Variants in CSMD1 observed in about 807,000 individuals in gnomAD.
CSMD1 encodes the protein CUB and sushi domain-containing protein 1.
A neutral mutation model predicts 417.5 loss-of-function variants in CSMD1; 213 were observed. The ratio of observed to expected loss-of-function variants is 0.51; its 90% CI spans 0.46 to 0.57. The LOEUF (loss-of-function observed/expected upper bound fraction) is 0.57. Among genes scored for constraint, CSMD1 ranks in the 20% least tolerant of loss-of-function variants. CSMD1 has a pLI of 0.00. For synonymous variants in CSMD1, 2,862 were observed against 1,736.8 expected (o/e 1.65, Z -16.11); for missense variants, 6,923 against 4,529.7 (o/e 1.53, Z -15.17).
At chr8:4,249,751 C>T (rs953040859) in intron 3 of CSMD1, among the ~76,000 whole-genome samples, 1 of 151,998 alleles carries the variant, frequency 6.6e-6, no homozygotes. Context: ...AGAACAAAGT[C>T]TATTAATGGG....
At chr8:4,721,988 G>A (rs1034584833) in intron 1 of CSMD1, among the ~76,000 whole-genome samples, 1 of 152,146 alleles carries the variant, frequency 6.6e-6, no homozygotes, top group Non-Finnish European at 1.5e-5. Flanking sequence ...AGAAACAGGA[G>A]AAGAACGATG....
At chr8:4,811,822 G>T (rs542355708) in intron 1 of CSMD1, among the ~76,000 whole-genome samples, 1 of 152,042 alleles carries the variant, frequency 6.6e-6, no homozygotes, top group African/African-American at 2.4e-5. Context: ...CATAGGAAAA[G>T]ATGTGATTTT....
chr8:3,587,275 A>C (rs1584926649), intron 8 of CSMD1, among the ~76,000 whole-genome samples: 1 of 152,236 alleles, frequency 6.6e-6, no homozygotes, highest in East Asian at 1.9e-4. Context: ...TCAGGTTTGA[A>C]CACCACCCAG....
At chr8:4,475,760 G>C (rs1392495770) in intron 2 of CSMD1, among the ~76,000 whole-genome samples, 1 of 151,946 alleles carries the variant, frequency 6.6e-6, no homozygotes, top group African/African-American at 2.4e-5. Flanking sequence ...TTACAGGCGT[G>C]CACCACCACA....
chr8:3,155,461 A>G (rs942663520), intron 39 of CSMD1, among the ~76,000 whole-genome samples: 8 of 137,798 alleles, frequency 5.8e-5, no homozygotes, highest in African/African-American at 1.7e-4. Context: ...TCCGCCTCCC[A>G]GGTTCACGCC....
chr8:3,978,095 G>A (rs1585066757), intron 5 of CSMD1, among the ~76,000 whole-genome samples: 1 of 152,196 alleles, frequency 6.6e-6, no homozygotes, highest in Non-Finnish European at 1.5e-5. Context: ...GTGTCTGTGA[G>A]AAAGTCTCAT....
intron 10 of CSMD1, among the ~76,000 whole-genome samples, chr8:3,529,035 C>A (rs970118935): frequency 1.3e-5 from 2 of 152,172 alleles, no homozygotes; most frequent in Admixed American, 6.6e-5. Flanking sequence ...ACAGAGCTTT[C>A]GAACAAGGCT....
chr8:3,407,665 G>C (rs1812439785), intron 14 of CSMD1, among the ~76,000 whole-genome samples: 1 of 152,166 alleles, frequency 6.6e-6, no homozygotes, highest in African/African-American at 2.4e-5. Context: ...ATGAAAGAGA[G>C]AGGAGATCCA....
chr8:3,372,484 C>T (rs1810024162), intron 18 of CSMD1, among the ~76,000 whole-genome samples: 1 of 152,160 alleles, frequency 6.6e-6, no homozygotes, highest in African/African-American at 2.4e-5. Context: ...GTGGTCAGGA[C>T]CCCGAACCAG....
rs141150136 is a variant in CSMD1, at chr8:4,235,654, C to T, written c.415+184299G>A. On this transcript the variant is annotated intron_variant, in intron 3 of 69. Transcript: ENST00000635120. ...ACTGAGGACCTGAAATGCATCGACCCTTTTAAAATGGGTCAGCCTGTTGCC... is the reference window on the plus strand; with the variant it reads ...ACTGAGGACCTGAAATGCATCGACCTTTTTAAAATGGGTCAGCCTGTTGCC... Among the ~76,000 whole-genome samples, 293 of 152,238 alleles carry T rather than the reference C, an allele frequency of 1.9e-3. 2 individuals are homozygous for T. Among genetic ancestry groups the T allele is most frequent in the Admixed American group, 7.2e-3 (110 of 15,290 alleles).
intron 5 of CSMD1, among the ~76,000 whole-genome samples, chr8:3,976,366 A>C (rs781599599): frequency 1.1e-4 from 17 of 152,322 alleles, no homozygotes; most frequent in Non-Finnish European, 2.1e-4. Context: ...CATGACGTTG[A>C]TGAAGATTCC....
chr8:3,068,051 C>G (rs1813064207), intron 49 of CSMD1, among the ~76,000 whole-genome samples: 1 of 152,054 alleles, frequency 6.6e-6, no homozygotes, highest in South Asian at 2.1e-4. Context: ...TTTGCCTTTT[C>G]CCTTATATTT....
intron 1 of CSMD1, among the ~76,000 whole-genome samples, chr8:4,792,548 C>A (rs1226536540): frequency 6.6e-6 from 1 of 152,132 alleles, no homozygotes; most frequent in Non-Finnish European, 1.5e-5. Context: ...ACCCATTCAG[C>A]CATACACCAC....
At chr8:4,975,067 C>T (rs1443423777) in intron 1 of CSMD1, among the ~76,000 whole-genome samples, 1 of 152,006 alleles carries the variant, frequency 6.6e-6, no homozygotes, top group African/African-American at 2.4e-5. Flanking sequence ...AGGCTTCTCC[C>T]CAAAATCTGC....
chr8:3,141,099 T>C (rs1378234220), intron 41 of CSMD1, among the ~76,000 whole-genome samples: 2 of 152,116 alleles, frequency 1.3e-5, no homozygotes, highest in African/African-American at 2.4e-5. Flanking sequence ...CAGAGGGACA[T>C]AGTGACAAAT....
chr8:4,434,683 G>T (rs919420297), intron 2 of CSMD1, among the ~76,000 whole-genome samples: 1 of 152,116 alleles, frequency 6.6e-6, no homozygotes, highest in Non-Finnish European at 1.5e-5. Flanking sequence ...TGACTGGAAA[G>T]GAACAAAGAG....
intron 3 of CSMD1, among the ~76,000 whole-genome samples, chr8:4,046,561 G>T (rs1798157551): frequency 6.6e-6 from 1 of 152,020 alleles, no homozygotes; most frequent in Non-Finnish European, 1.5e-5. Context: ...TATAACTGTG[G>T]GCTTCCAGGT....
chr8:3,920,355 GTGTT>G (rs998041147), intron 5 of CSMD1, among the ~76,000 whole-genome samples: 26 of 151,646 alleles, frequency 1.7e-4, no homozygotes, highest in South Asian at 6.3e-4. Flanking sequence ...AGATGCGTGT[GTGTT>G]TGTGTGTGTG....
At chr8:4,683,223 A>T (rs556085927) in intron 1 of CSMD1, among the ~76,000 whole-genome samples, 13 of 152,028 alleles carry the variant, frequency 8.6e-5, no homozygotes, top group South Asian at 4.1e-4. Flanking sequence ...TATTACCATG[A>T]AGAGTCTAAT....
Sources: gnomAD v4.1 joint callset for allele counts (sites outside exome capture counted in the v4.1 genomes callset) on GRCh38, gnomAD v4.1.1 for gene constraint, MANE v1.5 for transcripts, NCBI Gene and HGNC (gene_info 2026-07-23, HGNC 2026-07-21) for gene names.